PP2D1: variants seen among roughly 807,000 people sequenced by gnomAD.
PP2D1 encodes the protein protein phosphatase 2C like domain containing 1.
In PP2D1, 25 loss-of-function variants were observed where a neutral mutation model predicts 30.2. The observed-to-expected ratio is 0.83, with a 90% CI of 0.60 to 1.16. The LOEUF (loss-of-function observed/expected upper bound fraction) is 1.16. Ranked by LOEUF, PP2D1 falls within the 50% of genes most tolerant of loss-of-function variation. PP2D1 has a pLI of 0.00. For synonymous variants in PP2D1, 260 were observed against 258.9 expected, an observed-to-expected ratio of 1.00 and a Z score of -0.04; for missense variants, 760 against 742.4, an observed-to-expected ratio of 1.02 and a Z score of -0.28.
chr3:20,001,536 A>G lies in PP2D1; in HGVS notation c.584T>C (p.Phe195Ser). The change falls in exon 2 of 3, where the codon TTT (phenylalanine) becomes TCT (serine). Residue 195 changes from phenylalanine to serine, a missense_variant. Around this residue, in one of 3 missense-constraint regions of PP2D1, gnomAD observed 374 missense variants for 388.8 expected, o/e 0.96. Transcript: ENST00000389050. ...MNDKFTVVSN[F>S]GNKPNVCFFG... ...AAAACACACATTAGGTTTGTTACCAAAATTACTCACTACAGTGAATTTATC... is the reference window on the plus strand; with the variant it reads ...AAAACACACATTAGGTTTGTTACCAGAATTACTCACTACAGTGAATTTATC... The G allele has an allele frequency of 6.5e-7, 1 of 1,536,164 alleles. No individual in the cohort carries two copies. The highest frequency in any genetic ancestry group is 8.7e-7 in the Non-Finnish European group (1 of 1,146,898).
chr3:20,001,394 A>G lies in PP2D1; in HGVS notation c.726T>C (p.Thr242=). The part of the protein sequence containing the change: ...SKFDPSYQMT[T]DEQQIINSFY... Reference sequence around the variant, plus strand: ...AGGAATTGATTATTTGTTGCTCATCAGTTGTCATTTGGTAAGAAGGATCAA... The same window carrying G: ...AGGAATTGATTATTTGTTGCTCATCGGTTGTCATTTGGTAAGAAGGATCAA... Residue 242 remains threonine (T), a synonymous_variant, in exon 2 of 3, where the codon ACT becomes ACC. Coordinates refer to ENST00000389050, the MANE Select transcript of PP2D1 (RefSeq NM_001252657.2). 2 of 1,536,630 alleles carry G rather than the reference A, an allele frequency of 1.3e-6. No individual in the cohort carries two copies. Among genetic ancestry groups the G allele is most frequent in the African/African-American group, 1.4e-5 (1 of 73,170 alleles).
downstream of PP2D1, among the ~76,000 whole-genome samples, chr3:19,983,241 C>G (rs1198086202): frequency 6.7e-6 from 1 of 150,274 alleles, no homozygotes; most frequent in Non-Finnish European, 1.5e-5. Context: ...GAGGCCAAGG[C>G]ACGAGAATCA....
chr3:19,990,585 C>T (rs1158276222), intron 2 of PP2D1, among the ~76,000 whole-genome samples: 3 of 152,124 alleles, frequency 2.0e-5, no homozygotes, highest in Non-Finnish European at 2.9e-5. Flanking sequence ...ACTAATGGAA[C>T]GAACTAAAAA....
intron 1 of PP2D1, among the ~76,000 whole-genome samples, chr3:20,011,476 A>G (rs775925918): frequency 1.3e-5 from 2 of 152,108 alleles, no homozygotes; most frequent in African/African-American, 2.4e-5. Flanking sequence ...AATGTATTGC[A>G]TCATTCATAT....
chr3:19,991,443 A>G (rs1457889633), intron 2 of PP2D1, among the ~76,000 whole-genome samples: 1 of 152,224 alleles, frequency 6.6e-6, no homozygotes, highest in South Asian at 2.1e-4. Flanking sequence ...AGAAAGAATG[A>G]GAGAAGAGGA....
At chr3:20,002,912 G>A (rs775543963) in intron 1 of PP2D1, among the ~76,000 whole-genome samples, 2 of 152,060 alleles carry the variant, frequency 1.3e-5, no homozygotes, top group Non-Finnish European at 2.9e-5. Flanking sequence ...AAAATTAGCT[G>A]GGCATGGTGG....
In PP2D1 at chr3:20,001,118, T is replaced by G; in HGVS notation, c.1002A>C (p.Arg334Ser). ...CTGCCAACCCATCATGGGTATTTTT[T>G]CTTTTCCAATTCTTATGAGCATAAG... ...KSPYAHKNWK[R>S]KNTHDGLAES... The change falls in exon 2 of 3, where the codon AGA becomes AGC. Residue 334 changes from arginine (R) to serine (S), a missense_variant. Arg to Ser is a moderately radical substitution (Grantham distance 110, BLOSUM62 -1). This residue lies in a region of PP2D1 where 374 missense variants were observed against 388.8 expected (regional missense o/e 0.96). Transcript: ENST00000389050. The G allele has an allele frequency of 7.0e-7, 1 of 1,429,748 alleles. No homozygotes were observed. The highest frequency in any genetic ancestry group is 9.1e-7 in the Non-Finnish European group (1 of 1,094,758). 88.6% of individuals were successfully genotyped at this position (1,429,748 alleles called of 1,614,324 possible).
At chr3:19,982,227 G>A (rs917631936), downstream of PP2D1, among the ~76,000 whole-genome samples, 3 of 152,220 alleles carry the variant, frequency 2.0e-5, no homozygotes, top group Admixed American at 6.5e-5. Flanking sequence ...TACAGAGGGA[G>A]ACCTTGTCTC....
intron 1 of PP2D1, among the ~76,000 whole-genome samples, chr3:20,007,251 A>G (rs973264479): frequency 6.6e-6 from 1 of 151,986 alleles, no homozygotes; most frequent in Non-Finnish European, 1.5e-5. Context: ...CTTATACTGT[A>G]TTTTTATTTG....
At chr3:19,988,239 TAGG>T (rs1697068534) in intron 2 of PP2D1, among the ~76,000 whole-genome samples, 1 of 152,052 alleles carries the variant, frequency 6.6e-6, no homozygotes. Flanking sequence ...CAAAAGCAAA[TAGG>T]AGAAATACCG....
At chr3:19,988,185 ACTGC>A (rs779299463) in intron 2 of PP2D1, among the ~76,000 whole-genome samples, 5 of 152,228 alleles carry the variant, frequency 3.3e-5, no homozygotes, top group Non-Finnish European at 7.3e-5. Flanking sequence ...ATCAGGTATC[ACTGC>A]CTGAGAGCTA....
At chr3:19,990,189 G>A (rs12374092) in intron 2 of PP2D1, among the ~76,000 whole-genome samples, 24,848 of 152,192 alleles carry the variant, frequency 0.16, 2,672 homozygotes, top group Non-Finnish European at 0.24. Flanking sequence ...CTGTCACCCA[G>A]GCTGGAGTGC....
chr3:20,005,236 T>C (rs1381757254), intron 1 of PP2D1, among the ~76,000 whole-genome samples: 2 of 151,978 alleles, frequency 1.3e-5, no homozygotes, highest in Non-Finnish European at 2.9e-5. Context: ...CACCGCAACC[T>C]CCACCTCCTG....
downstream of PP2D1, among the ~76,000 whole-genome samples, chr3:19,980,525 ACT>A (rs1696905273): frequency 6.6e-6 from 1 of 151,104 alleles, no homozygotes; most frequent in African/African-American, 2.4e-5. Context: ...ACTCATAACA[ACT>A]CTAATCAATG....
chr3:19,991,651 G>A (rs1697121139), intron 2 of PP2D1, among the ~76,000 whole-genome samples: 1 of 152,130 alleles, frequency 6.6e-6, no homozygotes, highest in African/African-American at 2.4e-5. Context: ...TGTCTATGTG[G>A]CCTTCATTAG....
rs893993992 is a variant in PP2D1 at position 19,985,407 on chromosome 3, A to G, written c.1866T>C (p.Asn622=). 22 of 1,532,644 alleles carry G rather than the reference A, an allele frequency of 1.4e-5. No homozygotes were observed. The African/African-American group carries it at 2.6e-4, about 18-fold the overall frequency. 94.9% of individuals were successfully genotyped at this position (1,532,644 alleles called of 1,614,324 possible). The change falls in exon 3 of 3, where the codon AAT becomes AAC. Residue 622 remains asparagine (N), a synonymous_variant. Coordinates refer to ENST00000389050, the MANE Select transcript of PP2D1 (RefSeq NM_001252657.2). ...ATGTCAGAAGCTGATATTCACTTCCATTGAGAAATATTACCATAACTGTAA... is the reference window on the plus strand; with the variant it reads ...ATGTCAGAAGCTGATATTCACTTCCGTTGAGAAATATTACCATAACTGTAA... ...DNITVMVIFL[N]GSEYQLLT
chr3:19,984,384 A>T (rs1214984904), downstream of PP2D1: 1 of 291,432 alleles, frequency 3.4e-6, no homozygotes, highest in East Asian at 1.2e-4. Flanking sequence ...GGGGAAGAGT[A>T]TTAATGGTAT....
rs904021848 is a variant in PP2D1, at chr3:19,985,919, C to T, written c.1354G>A (p.Val452Ile). The stretch of plus-strand genomic sequence containing the variant: ...ACTTCCCAAAGTCCATTAGTAGCTA[C>T]AATAAGGAATTGACATAGGTCATCT... ...PIDDLCQFLI[V>I]ATNGLWEVLD... Residue 452 changes from valine (V) to isoleucine (I), a missense_variant, in exon 3 of 3, where the codon GTA (valine) becomes ATA (isoleucine). Around this residue, in one of 3 missense-constraint regions of PP2D1, gnomAD observed 369 missense variants for 316.2 expected, o/e 1.17. Transcript: ENST00000389050. 1 of 1,536,270 alleles carries T rather than the reference C, an allele frequency of 6.5e-7. No homozygotes were observed. Among genetic ancestry groups the T allele is most frequent in the African/African-American group, 1.4e-5 (1 of 73,034 alleles).
chr3:20,005,622 A>G (rs181446641), intron 1 of PP2D1, among the ~76,000 whole-genome samples: 29 of 152,322 alleles, frequency 1.9e-4, no homozygotes, highest in Non-Finnish European at 2.9e-5. Flanking sequence ...TCAGACACAT[A>G]ATAGATATTC....
Sources: allele counts gnomAD v4.1 joint callset (sites outside exome capture counted in the v4.1 genomes callset), GRCh38; gene constraint gnomAD v4.1.1; regional missense constraint gnomAD v4.1.1; transcripts MANE v1.5; gene names NCBI Gene and HGNC (gene_info 2026-07-23, HGNC 2026-07-21).